The following FAM149A variants were observed in gnomAD, a reference collection of about 807,000 sequenced individuals.
FAM149A encodes the protein family with sequence similarity 149 member A.
FAM149A carries 71 observed loss-of-function variants against 78.2 expected under a neutral mutation model. The observed-to-expected ratio is 0.91, with a 90% confidence interval of 0.75 to 1.11. The LOEUF (loss-of-function observed/expected upper bound fraction) is 1.11, where lower values mean the gene tolerates loss of function less well. FAM149A is among the 50% of genes least tolerant of loss of function. The probability of loss-of-function intolerance (pLI) is 0.00; values close to 1 mark genes in which losing one functional copy is unlikely to be tolerated. For missense variants in FAM149A, 1,036 were observed against 971.0 expected (o/e 1.07, Z -0.89); for synonymous variants, 446 against 410.5 (o/e 1.09, Z -1.04).
chr4:186,166,906 T>A lies in FAM149A; in HGVS notation c.2011-62T>A, dbSNP rs1735077556. The A allele has an allele frequency of 8.4e-6, 13 of 1,538,742 alleles. No homozygotes were observed. The South Asian group carries it at 1.5e-4, about 18-fold the overall frequency. ...AGTGAACGATTGAGCATGTCGAGAT[T>A]TTCTTTTGTGTTTTTAAGGATTGCA... On this transcript the variant is annotated intron_variant, in intron 11 of 13. Coordinates refer to ENST00000389354, the MANE Select transcript of FAM149A (RefSeq NM_001367768.3).
chr4:186,124,563 G>T (rs1024719063), intron 1 of FAM149A, among the ~76,000 whole-genome samples: 11 of 151,798 alleles, frequency 7.2e-5, no homozygotes, highest in African/African-American at 2.2e-4. Context: ...GGTTTTCAGC[G>T]TCATCCATGT....
At position 186,164,369 on chromosome 4, in the gene FAM149A, A is replaced by T. The variant is rs1734848216; in HGVS notation, c.1889+736A>T. ...GGAAGAGGCCCAGCCGGACACACCCACAAGTGCTCTCAGGCTTTAGAGACC... is the reference window on the plus strand; with the variant it reads ...GGAAGAGGCCCAGCCGGACACACCCTCAAGTGCTCTCAGGCTTTAGAGACC... On this transcript the variant is annotated intron_variant, in intron 10 of 13. Transcript: ENST00000389354. This position sits in a 1 kb window ranked among gnomAD's most constrained non-coding sequence, Gnocchi z 4.0. The T allele has an allele frequency of 1.6e-6, 1 of 634,340 alleles. No homozygotes were observed. The highest frequency in any genetic ancestry group is 2.0e-6 in the Non-Finnish European group (1 of 509,310). 39.3% of individuals were successfully genotyped at this position (634,340 alleles called of 1,614,324 possible).
intron 1 of FAM149A, among the ~76,000 whole-genome samples, chr4:186,136,954 C>CTT (rs1346627713): frequency 3.6e-5 from 4 of 111,448 alleles, no homozygotes; most frequent in African/African-American, 1.2e-4. Flanking sequence ...CTCTCTCTCT[C>CTT]TCTCTCTCTT....
At position 186,162,870 on chromosome 4, in the gene FAM149A, A is replaced by C. The variant is rs1488121665; in HGVS notation, c.1601A>C (p.Tyr534Ser). Residue 534 changes from tyrosine (Y) to serine (S), a missense_variant, in exon 9 of 14, where the codon TAT becomes TCT. Tyr to Ser is a moderately radical substitution (Grantham distance 144). Transcript: ENST00000389354. ...ATTCATCACTTCTCCAGCAGTTTTTATAGTGACATGAATGGTGTCATGACA... is the reference window on the plus strand; with the variant it reads ...ATTCATCACTTCTCCAGCAGTTTTTCTAGTGACATGAATGGTGTCATGACA... 7.1e-7 allele frequency: 1 copy of C among 1,400,954 alleles called. No individual in the cohort carries two copies. Among genetic ancestry groups the C allele is most frequent in the African/African-American group, 1.8e-5 (1 of 55,586 alleles). The allele number at this position is 1,400,954 out of a possible 1,614,324, so 86.8% of individuals were successfully genotyped here.
chr4:186,107,645 T>G (rs1043602227), intron 1 of FAM149A: 2 of 152,364 alleles, frequency 1.3e-5, no homozygotes, highest in Non-Finnish European at 2.9e-5. Context: ...AGGCTGGTCT[T>G]GAACTCCTGG....
At chr4:186,163,202 C>T (rs1284415397) in intron 9 of FAM149A, among the ~76,000 whole-genome samples, 1 of 152,188 alleles carries the variant, frequency 6.6e-6, no homozygotes, top group Admixed American at 6.5e-5. Flanking sequence ...GTGGGCTTGA[C>T]TGTTTGATTA....
intron 1 of FAM149A, among the ~76,000 whole-genome samples, chr4:186,132,730 A>G (rs1172962759): frequency 1.3e-5 from 2 of 152,200 alleles, no homozygotes; most frequent in Non-Finnish European, 2.9e-5. Context: ...TATGCAAGAT[A>G]AGGTGAACAT....
chr4:186,168,842 G>GA (rs1005725743), intron 13 of FAM149A, among the ~76,000 whole-genome samples: 9 of 152,204 alleles, frequency 5.9e-5, no homozygotes, highest in African/African-American at 2.2e-4. Context: ...AGGCAAGCTG[G>GA]AAAAGGCTGT....
intron 1 of FAM149A, among the ~76,000 whole-genome samples, chr4:186,136,760 AGT>A (rs1236652332): frequency 6.6e-6 from 1 of 152,136 alleles, no homozygotes; most frequent in Admixed American, 6.5e-5. Flanking sequence ...GAGCTGTGGG[AGT>A]GTGCCCTGCA....
chr4:186,128,706 T>C (rs2099319376), intron 1 of FAM149A, among the ~76,000 whole-genome samples: 1 of 152,232 alleles, frequency 6.6e-6, no homozygotes, highest in African/African-American at 2.4e-5. Flanking sequence ...ACCTTTATTA[T>C]TTAATGTACT....
At chr4:186,121,016 AT>A (rs2099315858) in intron 1 of FAM149A, among the ~76,000 whole-genome samples, 1 of 151,398 alleles carries the variant, frequency 6.6e-6, no homozygotes. Flanking sequence ...GACCATAATA[AT>A]CCATTTCAAA....
At chr4:186,134,097 C>G (rs931013371) in intron 1 of FAM149A, among the ~76,000 whole-genome samples, 1 of 152,214 alleles carries the variant, frequency 6.6e-6, no homozygotes, top group Non-Finnish European at 1.5e-5. Flanking sequence ...ACCGGTGATG[C>G]ACGAGGATTC....
intron 4 of FAM149A, among the ~76,000 whole-genome samples, chr4:186,152,417 G>T (rs1733656107): frequency 6.6e-6 from 1 of 152,126 alleles, no homozygotes; most frequent in Non-Finnish European, 1.5e-5. Context: ...TTGCTGAACG[G>T]CTGGATAGAT....
At chr4:186,169,694 G>A in intron 13 of FAM149A, 2 of 985,432 alleles carry the variant, frequency 2.0e-6, no homozygotes, top group Non-Finnish European at 2.4e-6. Flanking sequence ...TTCTGGAAGA[G>A]GAGGTGGGGG....
At chr4:186,139,125 C>T (rs1028163142) in intron 1 of FAM149A, among the ~76,000 whole-genome samples, 1 of 152,170 alleles carries the variant, frequency 6.6e-6, no homozygotes, top group African/African-American at 2.4e-5. Flanking sequence ...CTAGCTTTAG[C>T]CATTTGGGGC....
chr4:186,156,615 G>T (rs1225422356), intron 7 of FAM149A, among the ~76,000 whole-genome samples: 1 of 151,820 alleles, frequency 6.6e-6, no homozygotes, highest in African/African-American at 2.4e-5. Context: ...TGGAGATTGA[G>T]ATTGCAGTGA....
intron 1 of FAM149A, among the ~76,000 whole-genome samples, chr4:186,124,641 A>C (rs1287548065): frequency 6.6e-6 from 1 of 152,114 alleles, no homozygotes; most frequent in Non-Finnish European, 1.5e-5. Context: ...TATGTGCCAC[A>C]TTGTCTTAAT....
chr4:186,105,204 G>C lies in FAM149A; in HGVS notation c.128G>C (p.Arg43Thr). 1 of 1,270,530 alleles carries C rather than the reference G, an allele frequency of 7.9e-7. No individual in the cohort carries two copies. Among genetic ancestry groups the C allele is most frequent in the South Asian group, 1.3e-5 (1 of 79,918 alleles). 78.7% of individuals were successfully genotyped at this position (1,270,530 alleles called of 1,614,324 possible). A position where few individuals can be genotyped will look rare whatever the true frequency, so the allele number is the denominator to read the frequency against. The change falls in exon 1 of 14, where the codon AGG (arginine) becomes ACG (threonine). Residue 43 changes from arginine to threonine, a missense_variant. Around this residue, in one of 3 missense-constraint regions of FAM149A, gnomAD observed 316 missense variants for 241.9 expected, o/e 1.31. Coordinates refer to ENST00000389354, the MANE Select transcript of FAM149A (RefSeq NM_001367768.3). ...GCCGCTGCAGGGTCGGGGGGCTCCA[G>C]GGCGGGCACCCCGTTGGGTACCGCC...
intron 3 of FAM149A, among the ~76,000 whole-genome samples, chr4:186,150,545 G>T (rs55818710): frequency 0.011 from 1,356 of 123,910 alleles, 38 homozygotes; most frequent in African/African-American, 0.039. Context: ...TCAGCCTCCC[G>T]AGTAGCTGGG....
Sources: gnomAD v4.1 joint callset for allele counts (sites outside exome capture counted in the v4.1 genomes callset) on GRCh38, gnomAD v4.1.1 for gene constraint, gnomAD v4.1.1 regional missense constraint, Gnocchi (gnomAD v3.1) non-coding constraint, MANE v1.5 for transcripts, NCBI Gene and HGNC (gene_info 2026-07-23, HGNC 2026-07-21) for gene names.